CCSER1: variants seen among roughly 807,000 people sequenced by gnomAD.
The protein encoded by CCSER1 is coiled-coil serine rich protein 1.
In CCSER1, 41 loss-of-function variants were observed where a neutral mutation model predicts 82.0. The ratio of observed to expected loss-of-function variants is 0.50; its 90% CI spans 0.39 to 0.65. The LOEUF (loss-of-function observed/expected upper bound fraction) is 0.65. Ranked by LOEUF, CCSER1 falls within the 30% of genes least tolerant of loss-of-function variation. The pLI is 0.00. For synonymous variants in CCSER1, 414 were observed against 383.9 expected (o/e 1.08, Z -0.92); for missense variants, 1,119 against 1,064.2 (o/e 1.05, Z -0.72).
intron 10 of CCSER1, among the ~76,000 whole-genome samples, chr4:91,172,832 T>TA (rs79600567): frequency 0.71 from 108,426 of 151,840 alleles, 39,127 homozygotes; most frequent in Non-Finnish European, 0.78. Flanking sequence ...TGTGTTAATG[T>TA]AAAAAAATAC....
At position 91,423,519 on chromosome 4, in the gene CCSER1, G is replaced by A. The variant is rs186130717; in HGVS notation, c.2218-175053G>A. Among the ~76,000 whole-genome samples, 110 of 152,116 alleles carry A rather than the reference G, an allele frequency of 7.2e-4. 1 individual carries two copies. Among genetic ancestry groups the A allele is most frequent in the Non-Finnish European group, 7.1e-4 (48 of 68,014 alleles). On this transcript the variant is annotated intron_variant, in intron 10 of 10. Transcript: ENST00000509176. The stretch of plus-strand genomic sequence containing the variant: ...ATCAGAGGTTTGCTTAGCAAAAATA[G>A]GTGAAAGAAATACTTAATATTCCTT...
intron 1 of CCSER1, among the ~76,000 whole-genome samples, chr4:90,257,968 C>T (rs1436421082): frequency 6.6e-6 from 1 of 152,162 alleles, no homozygotes; most frequent in Non-Finnish European, 1.5e-5. Context: ...GACTCACAGA[C>T]ATACCCTCAA....
intron 3 of CCSER1, among the ~76,000 whole-genome samples, chr4:90,350,575 T>C (rs1318360264): frequency 6.6e-6 from 1 of 152,122 alleles, no homozygotes; most frequent in Non-Finnish European, 1.5e-5. Context: ...AACAATTTAA[T>C]TAATATGGCA....
chr4:91,568,549 T>G (rs1303341352), intron 10 of CCSER1, among the ~76,000 whole-genome samples: 3 of 152,166 alleles, frequency 2.0e-5, no homozygotes, highest in African/African-American at 7.2e-5. Context: ...TCATTCATTT[T>G]TATTTTTGTT....
At chr4:91,161,833 G>C (rs977577182) in intron 10 of CCSER1, among the ~76,000 whole-genome samples, 20 of 152,248 alleles carry the variant, frequency 1.3e-4, no homozygotes, top group African/African-American at 4.8e-4. Context: ...AGGAGATTTT[G>C]GGCTGAGATG....
At chr4:91,217,773 A>G (rs1737372912) in intron 10 of CCSER1, among the ~76,000 whole-genome samples, 2 of 152,206 alleles carry the variant, frequency 1.3e-5, no homozygotes, top group African/African-American at 2.4e-5. Flanking sequence ...CAGAGCAGCT[A>G]GATACAGAGT....
chr4:90,207,850 G>C (rs540218325), intron 1 of CCSER1, among the ~76,000 whole-genome samples: 1 of 152,320 alleles, frequency 6.6e-6, no homozygotes, highest in East Asian at 1.9e-4. Context: ...AAAGATTGCT[G>C]CCTATTCCTT....
chr4:90,453,458 A>C (rs115844583), intron 4 of CCSER1, among the ~76,000 whole-genome samples: 1 of 152,166 alleles, frequency 6.6e-6, no homozygotes, highest in Non-Finnish European at 1.5e-5. Context: ...GCTTCTAGTC[A>C]TTTCCTAACT....
chr4:91,183,840 C>T (rs2149034981), intron 10 of CCSER1, among the ~76,000 whole-genome samples: 1 of 152,230 alleles, frequency 6.6e-6, no homozygotes, highest in Non-Finnish European at 1.5e-5. Context: ...TTGCCGAGGG[C>T]TAGTAAGGCT....
intron 1 of CCSER1, among the ~76,000 whole-genome samples, chr4:90,237,439 T>A (rs771248467): frequency 6.6e-6 from 1 of 152,196 alleles, no homozygotes; most frequent in Non-Finnish European, 1.5e-5. Context: ...GAGATGAGAT[T>A]TGAAAGTAGT....
intron 3 of CCSER1, among the ~76,000 whole-genome samples, chr4:90,375,494 G>A (rs1302231229): frequency 2.0e-5 from 3 of 152,164 alleles, no homozygotes; most frequent in South Asian, 2.1e-4. Flanking sequence ...AGGGCCATCC[G>A]TGATCCTTCT....
chr4:91,220,227 T>C (rs906027209), intron 10 of CCSER1, among the ~76,000 whole-genome samples: 1 of 152,214 alleles, frequency 6.6e-6, no homozygotes, highest in African/African-American at 2.4e-5. Flanking sequence ...TTAACTACTG[T>C]CTTTTTAAAT....
chr4:91,187,531 A>C (rs1343495035), intron 10 of CCSER1, among the ~76,000 whole-genome samples: 2 of 144,382 alleles, frequency 1.4e-5, no homozygotes, highest in South Asian at 4.4e-4. Context: ...TGAATGTAGA[A>C]ATCAATAAAT....
rs989857211 is a variant in CCSER1 at position 90,238,623 on chromosome 4, G to A, written c.-41-69621G>A. On this transcript the variant is annotated intron_variant, in intron 1 of 10. Transcript: ENST00000509176. Reference sequence around the variant, plus strand: ...TGGTTGAATGTGACTTTTTTCTGCCGTGGGTACCTATCACTTCCTTCTCAC... The same window carrying A: ...TGGTTGAATGTGACTTTTTTCTGCCATGGGTACCTATCACTTCCTTCTCAC... Among the ~76,000 whole-genome samples, 7 of 151,990 alleles carry A rather than the reference G, an allele frequency of 4.6e-5. 1 individual carries two copies. Among genetic ancestry groups the A allele is most frequent in the African/African-American group, 1.5e-4 (6 of 41,362 alleles).
intron 10 of CCSER1, among the ~76,000 whole-genome samples, chr4:91,156,138 A>G (rs777207664): frequency 1.3e-5 from 2 of 151,782 alleles, no homozygotes; most frequent in African/African-American, 2.4e-5. Context: ...AATATATGAT[A>G]TTGATAATTG....
intron 1 of CCSER1, among the ~76,000 whole-genome samples, chr4:90,137,201 TA>T (rs929387711): frequency 2.5e-4 from 38 of 152,338 alleles, no homozygotes; most frequent in Admixed American, 2.2e-3. Flanking sequence ...TACAGATTAC[TA>T]AACTGGGCCA....
intron 10 of CCSER1, among the ~76,000 whole-genome samples, chr4:91,153,265 T>A (rs1008849651): frequency 1.3e-5 from 2 of 151,974 alleles, no homozygotes; most frequent in Non-Finnish European, 2.9e-5. Context: ...TCATTTGATC[T>A]TCAATTACTG....
At chr4:91,139,417 A>G (rs574869410) in intron 10 of CCSER1, among the ~76,000 whole-genome samples, 1 of 152,192 alleles carries the variant, frequency 6.6e-6, no homozygotes, top group East Asian at 1.9e-4. Context: ...ATTTTTCTCA[A>G]TTTATAAAAG....
intron 3 of CCSER1, among the ~76,000 whole-genome samples, chr4:90,388,755 C>T (rs1354612752): frequency 1.3e-5 from 2 of 152,086 alleles, no homozygotes; most frequent in Non-Finnish European, 2.9e-5. Context: ...CCTGTCTCAG[C>T]CTCCAAAGTA....
Sources: gnomAD v4.1 joint callset for allele counts (sites outside exome capture counted in the v4.1 genomes callset) on GRCh38, gnomAD v4.1.1 for gene constraint, MANE v1.5 for transcripts, NCBI Gene and HGNC (gene_info 2026-07-23, HGNC 2026-07-21) for gene names.